The following POLR3D variants were observed in gnomAD, a reference collection of about 807,000 sequenced individuals.
The protein encoded by POLR3D is RNA polymerase III subunit D.
A neutral mutation model predicts 44.5 loss-of-function variants in POLR3D; 42 were observed. That is an observed-to-expected ratio of 0.94 (90% CI 0.74 to 1.22). The LOEUF (loss-of-function observed/expected upper bound fraction) is 1.22, where lower values mean the gene tolerates loss of function less well. POLR3D is among the 50% of genes most tolerant of loss of function. The pLI is 0.00. For synonymous variants in POLR3D, 217 were observed against 198.1 expected (o/e 1.10, Z -0.80); for missense variants, 507 against 505.2 (o/e 1.00, Z -0.03).
chr8:22,248,746 C>G, intron 6 of POLR3D, 97 bp downstream of exon 6: 1 of 1,198,048 alleles, frequency 8.3e-7, no homozygotes, highest in Non-Finnish European at 1.2e-6. Context: ...GACTGCTGCT[C>G]GTGAGCAGGT....
rs1259040267 is a variant in POLR3D at position 22,251,448 on chromosome 8, G to C, written c.*930G>C. 6.5e-6 allele frequency: 1 copy of C among 153,662 alleles called. No homozygotes were observed. Among genetic ancestry groups the C allele is most frequent in the Non-Finnish European group, 1.5e-5 (1 of 68,040 alleles). 9.5% of individuals were successfully genotyped at this position (153,662 alleles called of 1,614,324 possible). On this transcript the variant is annotated 3_prime_UTR_variant, in exon 9 of 9. Coordinates refer to ENST00000306433, the MANE Select transcript of POLR3D (RefSeq NM_001722.3). The stretch of plus-strand genomic sequence containing the variant: ...TACAAAAGCCTTTGGGGGACATGTT[G>C]GGCCCAGGACATGTTCCCTGCACTC...
At chr8:22,250,032 A>G in intron 7 of POLR3D, 43 bp from the exon 8 acceptor site, 1 of 1,607,600 alleles carries the variant, frequency 6.2e-7, no homozygotes, top group Non-Finnish European at 8.5e-7. Context: ...AGATGGAGGA[A>G]AGAGCTCCTA....
At chr8:22,247,400 C>A in intron 3 of POLR3D, 136 bp downstream of exon 3, 3 of 630,710 alleles carry the variant, frequency 4.8e-6, no homozygotes, top group Non-Finnish European at 8.4e-6. Context: ...GATTTTCAAC[C>A]CTGGCTCCTA....
chr8:22,247,174 T>A, intron 2 of POLR3D, 47 bp from the exon 3 acceptor site: 1 of 1,455,314 alleles, frequency 6.9e-7, no homozygotes, highest in Non-Finnish European at 9.6e-7. Context: ...CTCTGTACTT[T>A]GGGGTCAGAA....
Position 22,249,982 on chromosome 8 carries a change from G to C in POLR3D, c.922-93G>C, listed in dbSNP as rs926512346. On this transcript the variant is annotated intron_variant, in intron 7 of 8. Transcript: ENST00000306433. Reference sequence around the variant, plus strand: ...CTTTGGGGAGCTCATTTTGACCTTTGCTGTGCCTTTCTCTTGGGGAGTAGA... The same window carrying C: ...CTTTGGGGAGCTCATTTTGACCTTTCCTGTGCCTTTCTCTTGGGGAGTAGA... 2.8e-6 allele frequency: 4 copies of C among 1,434,024 alleles called. No homozygotes were observed. The African/African-American group carries it at 5.6e-5, about 20-fold the overall frequency. 88.8% of individuals were successfully genotyped at this position (1,434,024 alleles called of 1,614,324 possible). A position where few individuals can be genotyped will look rare whatever the true frequency, so the allele number is the denominator to read the frequency against.
intron 1 of POLR3D, 109 bp from the exon 2 acceptor site, chr8:22,245,336 G>A (rs943290301): frequency 9.4e-6 from 7 of 746,652 alleles, no homozygotes; most frequent in Non-Finnish European, 1.3e-5. Context: ...GAGCTGAGAG[G>A]CCACTGGAGG....
rs377410985 is a variant in POLR3D, at chr8:22,249,158, A to T, written c.770A>T (p.Glu257Val). 20 of 1,613,858 alleles carry T rather than the reference A, an allele frequency of 1.2e-5. No homozygotes were observed. The highest frequency in any genetic ancestry group is 1.7e-5 in the Non-Finnish European group (20 of 1,179,990). Reference sequence around the variant, plus strand: ...GTATCTGTGGCAGAGCTGCTGAGGGAGCTGAGCCTCACCAAGGAAGAGGAA... The same window carrying T: ...GTATCTGTGGCAGAGCTGCTGAGGGTGCTGAGCCTCACCAAGGAAGAGGAA... ...KDVSVAELLR[E>V]LSLTKEEELL... is the part of the protein sequence containing the mutation. The change falls in exon 7 of 9, where the codon GAG becomes GTG. Residue 257 changes from glutamate to valine, a missense_variant. By Grantham distance (121) the Glu-to-Val change is moderately radical. Transcript: ENST00000306433.
At position 22,253,602 on chromosome 8, in the gene POLR3D, T is replaced by TA. The variant is rs1172748979; in HGVS notation, c.*3088dup. The TA allele has an allele frequency of 6.6e-6, 1 of 152,254 alleles. No homozygotes were observed. The highest frequency in any genetic ancestry group is 1.5e-5 in the Non-Finnish European group (1 of 68,038). 9.4% of individuals were successfully genotyped at this position (152,254 alleles called of 1,614,324 possible). A position where few individuals can be genotyped will look rare whatever the true frequency, so the allele number is the denominator to read the frequency against. On this transcript the variant is annotated 3_prime_UTR_variant, in exon 9 of 9. Coordinates refer to ENST00000306433, the MANE Select transcript of POLR3D (RefSeq NM_001722.3). Reference sequence around the variant, plus strand: ...AATATTCAGTCACCTTTTATTCTACTAAAATCAATTTTAACATTTTAGTGT... The same window carrying TA: ...AATATTCAGTCACCTTTTATTCTACTAAAAATCAATTTTAACATTTTAGTGT...
Position 22,253,251 on chromosome 8 carries a change from T to C in POLR3D, c.*2733T>C, listed in dbSNP as rs542831603. 7 of 152,368 alleles carry C rather than the reference T, an allele frequency of 4.6e-5. No homozygotes were observed. In the South Asian group the frequency reaches 1.4e-3, roughly 32 times the overall value. The allele number at this position is 152,368 out of a possible 1,614,324, so 9.4% of individuals were successfully genotyped here. A position where few individuals can be genotyped will look rare whatever the true frequency, so the allele number is the denominator to read the frequency against. The stretch of plus-strand genomic sequence containing the variant: ...CCAAGCATCATTCTGCAAATGATGG[T>C]GTCCACAGCCAGAGTGGACAGTAGT... On this transcript the variant is annotated 3_prime_UTR_variant, in exon 9 of 9. Transcript: ENST00000306433.
rs1374498897 is a variant in POLR3D, at chr8:22,252,273, A to G, written c.*1755A>G. ...TTTGGTCTAAGGCTAAGCTTTGGTTAACTCTGGGCTCCAGCCCTTTCTTCC... is the reference window on the plus strand; with the variant it reads ...TTTGGTCTAAGGCTAAGCTTTGGTTGACTCTGGGCTCCAGCCCTTTCTTCC... On this transcript the variant is annotated 3_prime_UTR_variant, in exon 9 of 9. Coordinates refer to ENST00000306433, the MANE Select transcript of POLR3D (RefSeq NM_001722.3). 6.5e-6 allele frequency: 1 copy of G among 153,802 alleles called. No homozygotes were observed. Among genetic ancestry groups the G allele is most frequent in the Non-Finnish European group, 1.5e-5 (1 of 68,058 alleles). 9.5% of individuals were successfully genotyped at this position (153,802 alleles called of 1,614,324 possible). A position where few individuals can be genotyped will look rare whatever the true frequency, so the allele number is the denominator to read the frequency against.
At chr8:22,249,355 C>T (rs772759629) in intron 7 of POLR3D, 46 bp downstream of exon 7, 18 of 1,596,238 alleles carry the variant, frequency 1.1e-5, no homozygotes, top group East Asian at 6.7e-5. Context: ...GGGACTGGGA[C>T]GGGAAGTGGT....
At position 22,251,072 on chromosome 8, in the gene POLR3D, AG is replaced by A. The variant is rs946082973; in HGVS notation, c.*557del. 8 of 155,724 alleles carry A rather than the reference AG, an allele frequency of 5.1e-5. No homozygotes were observed. Among genetic ancestry groups the A allele is most frequent in the African/African-American group, 1.9e-4 (8 of 41,456 alleles). 9.6% of individuals were successfully genotyped at this position (155,724 alleles called of 1,614,324 possible). A position where few individuals can be genotyped will look rare whatever the true frequency, so the allele number is the denominator to read the frequency against. ...ACAAATGGGGATGATACCTACCTCC[AG>A]GGTTGGCGTGAGGATTCATGGGCTA... On this transcript the variant is annotated 3_prime_UTR_variant, in exon 9 of 9. Transcript: ENST00000306433.
Position 22,248,661 on chromosome 8 carries a change from G to A in POLR3D, c.655+12G>A. On this transcript the variant is annotated intron_variant, in intron 6 of 8. Coordinates refer to ENST00000306433, the MANE Select transcript of POLR3D (RefSeq NM_001722.3). ...ACCTGCTGTGAAAGGTACTCTGTCG[G>A]TTAACTTCTCATCTCCAATTCCATG... 6.2e-7 allele frequency: 1 copy of A among 1,606,924 alleles called. No individual in the cohort carries two copies. The highest frequency in any genetic ancestry group is 8.5e-7 in the Non-Finnish European group (1 of 1,176,456).
rs1235549715 is a variant in POLR3D, at chr8:22,253,790, C to T, written c.*3272C>T. 6.6e-6 allele frequency: 1 copy of T among 152,244 alleles called. No homozygotes were observed. Among genetic ancestry groups the T allele is most frequent in the Non-Finnish European group, 1.5e-5 (1 of 68,078 alleles). 9.4% of individuals were successfully genotyped at this position (152,244 alleles called of 1,614,324 possible). Reference sequence around the variant, plus strand: ...TCCCAGGTTCAAGTGATCCTCCCGCCTCAGCCCCCCAGATAGCTGGGATTA... The same window carrying T: ...TCCCAGGTTCAAGTGATCCTCCCGCTTCAGCCCCCCAGATAGCTGGGATTA... On this transcript the variant is annotated 3_prime_UTR_variant, in exon 9 of 9. Coordinates refer to ENST00000306433, the MANE Select transcript of POLR3D (RefSeq NM_001722.3).
intron 7 of POLR3D, 35 bp downstream of exon 7, chr8:22,249,344 G>A (rs747869059): frequency 2.3e-5 from 37 of 1,604,078 alleles, no homozygotes; most frequent in East Asian, 1.6e-4. Context: ...GAATCAAGTC[G>A]GGGACTGGGA....
chr8:22,249,484 TG>T, intron 7 of POLR3D, among the ~76,000 whole-genome samples, 175 bp downstream of exon 7: 1 of 152,212 alleles, frequency 6.6e-6, no homozygotes. Flanking sequence ...ATTGTGTATG[TG>T]TTGTGGGGGT....
chr8:22,247,693 G>A (rs1830056826), intron 3 of POLR3D, among the ~76,000 whole-genome samples, 164 bp from the exon 4 acceptor site: 1 of 152,180 alleles, frequency 6.6e-6, no homozygotes, highest in African/African-American at 2.4e-5. Flanking sequence ...GCCTCATCAA[G>A]GAAGTGAGAA....
In POLR3D at chr8:22,248,535, C is replaced by T; in HGVS notation, c.541C>T (p.Pro181Ser). The stretch of plus-strand genomic sequence containing the variant: ...CACTCGAAATATGCCTGTGCAGCTG[C>T]CGCTGGCTCACTCAGGATGGCTTTT... ...NDTRNMPVQL[P>S]LAHSGWLFKE... Residue 181 changes from proline to serine, a missense_variant, in exon 6 of 9, where the codon CCG (proline) becomes TCG (serine). Transcript: ENST00000306433. The T allele has an allele frequency of 3.7e-6, 6 of 1,614,180 alleles. No homozygotes were observed. The highest frequency in any genetic ancestry group is 5.1e-6 in the Non-Finnish European group (6 of 1,180,036).
At chr8:22,250,266 G>C in intron 8 of POLR3D, 39 bp downstream of exon 8, 1 of 1,612,660 alleles carries the variant, frequency 6.2e-7, no homozygotes, top group South Asian at 1.1e-5. Flanking sequence ...ACCCTTTCAG[G>C]AGTGAAGGAG....
Sources: gnomAD v4.1 joint callset for allele counts (sites outside exome capture counted in the v4.1 genomes callset) on GRCh38, gnomAD v4.1.1 for gene constraint, MANE v1.5 for transcripts, NCBI Gene and HGNC (gene_info 2026-07-23, HGNC 2026-07-21) for gene names.